NBAS: variants seen among roughly 807,000 people sequenced by gnomAD.
The protein encoded by NBAS is NAG/BC035112 fusion.
NBAS carries 219 observed loss-of-function variants against 302.5 expected under a neutral mutation model. The observed-to-expected ratio is 0.72, with a 90% CI of 0.65 to 0.81. The LOEUF (loss-of-function observed/expected upper bound fraction) is 0.81, where lower values mean the gene tolerates loss of function less well. Ranked by LOEUF, NBAS falls within the 30% of genes least tolerant of loss-of-function variation. NBAS has a pLI of 0.00. For missense variants in NBAS, 2,932 were observed against 2,841.6 expected (o/e 1.03, Z -0.72); for synonymous variants, 1,118 against 1,021.6 (o/e 1.09, Z -1.80).
chr2:15,384,006 A>G (rs980067807), intron 28 of NBAS, among the ~76,000 whole-genome samples: 1 of 152,146 alleles, frequency 6.6e-6, no homozygotes, highest in African/African-American at 2.4e-5. Flanking sequence ...TCATGTCCTA[A>G]AACAGTCAAC....
At chr2:15,006,049 CAT>C in the NBAS span, among the ~76,000 whole-genome samples, 13 of 152,248 alleles carry the variant, frequency 8.5e-5, no homozygotes, top group South Asian at 2.7e-3. Context: ...CATCAAGAAA[CAT>C]ATGTGGTAAT....
chr2:15,191,667 C>T (rs961621920), intron 48 of NBAS, among the ~76,000 whole-genome samples: 6 of 151,996 alleles, frequency 3.9e-5, no homozygotes, highest in African/African-American at 1.4e-4. Context: ...AGTGACAGAG[C>T]CAAAATATCA....
intron 48 of NBAS, among the ~76,000 whole-genome samples, chr2:15,200,716 G>A (rs193088789): frequency 4.2e-4 from 64 of 152,084 alleles, no homozygotes; most frequent in African/African-American, 1.4e-3. Flanking sequence ...GGTGACTTTT[G>A]CCCTTGTTGT....
intron 6 of NBAS, among the ~76,000 whole-genome samples, chr2:15,549,069 A>G (rs1664252026): frequency 6.6e-6 from 1 of 152,198 alleles, no homozygotes; most frequent in Non-Finnish European, 1.5e-5. Flanking sequence ...ATAGCTTAAC[A>G]TCTCCTAAGT....
At chr2:15,326,495 G>T (rs1672074063) in intron 38 of NBAS, among the ~76,000 whole-genome samples, 1 of 152,072 alleles carries the variant, frequency 6.6e-6, no homozygotes. Context: ...AAACTACCTT[G>T]ATAACCATTC....
chr2:15,309,654 A>C (rs1294199225), intron 38 of NBAS, among the ~76,000 whole-genome samples: 1 of 152,206 alleles, frequency 6.6e-6, no homozygotes, highest in Non-Finnish European at 1.5e-5. Context: ...TAGCTTTAGG[A>C]GTGCAAATTT....
intron 9 of NBAS, among the ~76,000 whole-genome samples, chr2:15,526,265 A>C (rs577635009): frequency 1.3e-5 from 2 of 152,322 alleles, no homozygotes; most frequent in African/African-American, 4.8e-5. Context: ...ATAAAAAAGA[A>C]AATAGTCAAA....
chr2:15,353,486 C>T, intron 34 of NBAS, 67 bp downstream of exon 34: 1 of 1,584,674 alleles, frequency 6.3e-7, no homozygotes, highest in Non-Finnish European at 8.7e-7. Flanking sequence ...GACCACATAC[C>T]TCAGATACAC....
In NBAS at chr2:15,166,918, G is replaced by C; in HGVS notation, c.*130C>G. ...TTAAAAAAGCGGCAGCTTGCTCATC[G>C]TTTCCATACAGTTTTATTTGCAATT... On this transcript the variant is annotated 3_prime_UTR_variant, in exon 52 of 52. Transcript: ENST00000281513. 1 of 1,243,250 alleles carries C rather than the reference G, an allele frequency of 8.0e-7. No individual in the cohort carries two copies. Among genetic ancestry groups the C allele is most frequent in the Non-Finnish European group, 1.1e-6 (1 of 924,404 alleles). The allele number at this position is 1,243,250 out of a possible 1,614,324, so 77.0% of individuals were successfully genotyped here. A position where few individuals can be genotyped will look rare whatever the true frequency, so the allele number is the denominator to read the frequency against.
At chr2:15,314,765 G>A (rs56023655) in intron 38 of NBAS, among the ~76,000 whole-genome samples, 42,851 of 152,078 alleles carry the variant, frequency 0.28, 6,457 homozygotes, top group East Asian at 0.55. Context: ...ACAACCATAA[G>A]CTGAAAGACC....
At chr2:15,282,806 C>T (rs1196721886) in intron 42 of NBAS, among the ~76,000 whole-genome samples, 1 of 152,164 alleles carries the variant, frequency 6.6e-6, no homozygotes, top group Non-Finnish European at 1.5e-5. Flanking sequence ...CCATTTAGTT[C>T]TCCTTTGCTT....
chr2:14,831,493 A>T, the NBAS span, among the ~76,000 whole-genome samples: 1 of 152,218 alleles, frequency 6.6e-6, no homozygotes, highest in Non-Finnish European at 1.5e-5. Flanking sequence ...GACACTACTT[A>T]ATAATGCAGG....
chr2:14,831,641 G>A, the NBAS span, among the ~76,000 whole-genome samples: 3 of 152,136 alleles, frequency 2.0e-5, no homozygotes, highest in Non-Finnish European at 2.9e-5. Flanking sequence ...AAGGAAGCTA[G>A]TGCAGCCTAG....
intron 9 of NBAS, among the ~76,000 whole-genome samples, chr2:15,517,528 T>G (rs527891795): frequency 6.6e-6 from 1 of 152,286 alleles, no homozygotes; most frequent in Non-Finnish European, 1.5e-5. Flanking sequence ...TATATGTCTG[T>G]GAATGTATAC....
chr2:15,249,443 T>C (rs571867248), intron 44 of NBAS, among the ~76,000 whole-genome samples: 2 of 152,242 alleles, frequency 1.3e-5, no homozygotes, highest in East Asian at 1.9e-4. Context: ...CTATTCAACA[T>C]AGTATTGGAA....
At chr2:14,856,864 G>T in the NBAS span, among the ~76,000 whole-genome samples, 2 of 139,718 alleles carry the variant, frequency 1.4e-5, no homozygotes, top group Non-Finnish European at 3.0e-5. Flanking sequence ...CATCCAAATT[G>T]GAAAAAAGGT....
At chr2:15,162,436 C>T (rs758782074), downstream of NBAS, among the ~76,000 whole-genome samples, 4 of 152,230 alleles carry the variant, frequency 2.6e-5, no homozygotes, top group Non-Finnish European at 4.4e-5. Context: ...GGCAGCTTTC[C>T]ACAACTCTGA....
At chr2:15,078,271 G>A in the NBAS span, among the ~76,000 whole-genome samples, 1 of 152,128 alleles carries the variant, frequency 6.6e-6, no homozygotes, top group African/African-American at 2.4e-5. Flanking sequence ...TCCCTATGGT[G>A]GCTGGTATGG....
chr2:15,162,395 T>C (rs1663920783), downstream of NBAS, among the ~76,000 whole-genome samples: 1 of 152,236 alleles, frequency 6.6e-6, no homozygotes, highest in Non-Finnish European at 1.5e-5. Flanking sequence ...TGCTGAAGGC[T>C]GGTTTTGGAA....
Sources: allele counts gnomAD v4.1 joint callset (sites outside exome capture counted in the v4.1 genomes callset), GRCh38; gene constraint gnomAD v4.1.1; transcripts MANE v1.5; gene names NCBI Gene and HGNC (gene_info 2026-07-23, HGNC 2026-07-21).